PVALEF: variants seen among roughly 807,000 people sequenced by gnomAD.
PVALEF encodes the protein parvalbumin-like EF-hand-containing protein.
A neutral mutation model predicts 1.2 loss-of-function variants in PVALEF; 2 were observed. The observed-to-expected ratio is 1.68, with a 90% CI of 0.69 to 5.28. The LOEUF (loss-of-function observed/expected upper bound fraction) is 5.28. Ranked by LOEUF, PVALEF falls within the 30% of genes most tolerant of loss-of-function variation. PVALEF has a pLI of 0.06. For synonymous variants in PVALEF, 16 were observed against 6.5 expected, an observed-to-expected ratio of 2.47 and a Z score of -2.24; for missense variants, 35 against 17.7, an observed-to-expected ratio of 1.97 and a Z score of -1.75.
At chr17:81,176,541 C>T (rs1204296817) in intron 2 of PVALEF, among the ~76,000 whole-genome samples, 2 of 151,152 alleles carry the variant, frequency 1.3e-5, no homozygotes, top group African/African-American at 4.9e-5. Flanking sequence ...GGAAACAAAA[C>T]ACAATGAGAT....
At position 81,166,751 on chromosome 17, in the gene PVALEF, G is replaced by A. The variant is rs1219120403; in HGVS notation, c.-433G>A. ...CACCTGTGCTGGTGGAGTGGGGGTG[G>A]CTGGCTTTGCACACAGGCCTGCTCC... is the stretch of plus-strand genomic sequence containing the variant. On this transcript the variant is annotated 5_prime_UTR_variant, in exon 2 of 7. Transcript: ENST00000637878. 2.2e-6 allele frequency: 1 copy of A among 456,504 alleles called. No homozygotes were observed. Among genetic ancestry groups the A allele is most frequent in the South Asian group, 1.5e-5 (1 of 64,546 alleles). 28.3% of individuals were successfully genotyped at this position (456,504 alleles called of 1,614,324 possible). A position where few individuals can be genotyped will look rare whatever the true frequency, so the allele number is the denominator to read the frequency against.
chr17:81,178,614 A>C (rs969292355), intron 2 of PVALEF, among the ~76,000 whole-genome samples: 15 of 151,196 alleles, frequency 9.9e-5, no homozygotes, highest in African/African-American at 3.4e-4. Flanking sequence ...CGCAGCACCC[A>C]CTCGGCTGCC....
chr17:81,181,862 G>C, intron 5 of PVALEF, 104 bp from the exon 6 acceptor site: 1 of 398,050 alleles, frequency 2.5e-6, no homozygotes, highest in Non-Finnish European at 4.4e-6. Flanking sequence ...CCAGGCTCCC[G>C]GCCCGAAGTG....
chr17:81,183,093 C>A lies in PVALEF; in HGVS notation c.*82C>A, dbSNP rs1000293254. The A allele has an allele frequency of 1.8e-5, 7 of 398,516 alleles. No individual in the cohort carries two copies. Among genetic ancestry groups the A allele is most frequent in the Non-Finnish European group, 2.7e-5 (6 of 226,074 alleles). 24.7% of individuals were successfully genotyped at this position (398,516 alleles called of 1,614,324 possible). A position where few individuals can be genotyped will look rare whatever the true frequency, so the allele number is the denominator to read the frequency against. On this transcript the variant is annotated 3_prime_UTR_variant, in exon 7 of 7. Coordinates refer to ENST00000637878, the MANE Select transcript of PVALEF (RefSeq NM_001354639.2). ...CGCACCTGGGCAGAAGCCGTTGGGGCCGGTAAGAGGCGGCAGCCGTGAGGG... is the reference window on the plus strand; with the variant it reads ...CGCACCTGGGCAGAAGCCGTTGGGGACGGTAAGAGGCGGCAGCCGTGAGGG...
In PVALEF at chr17:81,176,926, CTTTTTT is replaced by C. The variant is rs34506557; in HGVS notation, c.-339-1979_-339-1974del. Among the ~76,000 whole-genome samples the C allele has an allele frequency of 1.1e-4, 14 of 130,894 alleles. No individual in the cohort carries two copies. The East Asian group carries it at 2.7e-3, about 25-fold the overall frequency. The allele number at this position is 130,894 out of a possible 152,430, so 85.9% of individuals were successfully genotyped here. ...CAACCATGCAATGGAGTATTAGTCA[CTTTTTT>C]TTTTTTTTTTTTGAGACAGAGTCTC... On this transcript the variant is annotated intron_variant, in intron 2 of 6. Coordinates refer to ENST00000637878, the MANE Select transcript of PVALEF (RefSeq NM_001354639.2).
chr17:81,170,885 G>A (rs1282419841), intron 2 of PVALEF, among the ~76,000 whole-genome samples: 2 of 151,994 alleles, frequency 1.3e-5, no homozygotes, highest in Non-Finnish European at 2.9e-5. Flanking sequence ...CCCAGCCCCA[G>A]CCCTGTACCC....
Position 81,165,678 on chromosome 17 carries a change from T to C in PVALEF, c.-577T>C. 1 of 1,510,440 alleles carries C rather than the reference T, an allele frequency of 6.6e-7. No individual in the cohort carries two copies. Among genetic ancestry groups the C allele is most frequent in the Non-Finnish European group, 8.8e-7 (1 of 1,130,636 alleles). 93.6% of individuals were successfully genotyped at this position (1,510,440 alleles called of 1,614,324 possible). The stretch of plus-strand genomic sequence containing the variant: ...CCCACGCAGGCCCTCCGTGCCCCAG[T>C]TACCTGTGCCCTGGAGGCAGCCACG... On this transcript the variant is annotated 5_prime_UTR_variant, in exon 1 of 7. Transcript: ENST00000637878.
rs185003878 is a variant in PVALEF, at chr17:81,170,743, C to A, written c.-340+3899C>A. Among the ~76,000 whole-genome samples the A allele has an allele frequency of 6.5e-3, 989 of 152,314 alleles. 37 individuals carry two copies. Among genetic ancestry groups the A allele is most frequent in the Admixed American group, 0.061 (940 of 15,308 alleles). On this transcript the variant is annotated intron_variant, in intron 2 of 6. Coordinates refer to ENST00000637878, the MANE Select transcript of PVALEF (RefSeq NM_001354639.2). ...TGCCTGCTGGGCACCACAGTAGGCA[C>A]TGCAGAGCCCCAAGGATGCCCCTGC... is the stretch of plus-strand genomic sequence containing the variant.
intron 3 of PVALEF, among the ~76,000 whole-genome samples, 185 bp downstream of exon 3, chr17:81,179,337 A>G (rs1278503851): frequency 6.6e-6 from 1 of 152,184 alleles, no homozygotes; most frequent in African/African-American, 2.4e-5. Flanking sequence ...TGCCAGCAGC[A>G]CCACTACAAG....
intron 5 of PVALEF, 84 bp downstream of exon 5, chr17:81,181,778 C>G: frequency 2.5e-6 from 1 of 398,576 alleles, no homozygotes; most frequent in Non-Finnish European, 4.4e-6. Flanking sequence ...GGCCTTCCCC[C>G]ACCGGGTCCC....
chr17:81,176,191 G>A (rs1262956620), intron 2 of PVALEF, among the ~76,000 whole-genome samples: 7 of 152,118 alleles, frequency 4.6e-5, no homozygotes, highest in African/African-American at 7.2e-5. Context: ...AGAAGATGCC[G>A]ACCATCACTA....
intron 2 of PVALEF, among the ~76,000 whole-genome samples, chr17:81,169,933 T>C (rs1368303083): frequency 4.0e-5 from 6 of 151,866 alleles, no homozygotes; most frequent in Non-Finnish European, 2.9e-5. Flanking sequence ...TGCATGTGTG[T>C]CTGCATATGT....
At chr17:81,176,471 T>A (rs995014717) in intron 2 of PVALEF, among the ~76,000 whole-genome samples, 4 of 151,726 alleles carry the variant, frequency 2.6e-5, no homozygotes, top group African/African-American at 7.3e-5. Context: ...TGAGCCGAGG[T>A]CATGCCACTG....
At chr17:81,165,779 G>T in intron 1 of PVALEF, 32 bp downstream of exon 1, 1 of 1,507,230 alleles carries the variant, frequency 6.6e-7, no homozygotes, top group African/African-American at 1.4e-5. Flanking sequence ...CTGCCCCTCC[G>T]AGATCTGGGG....
In PVALEF at chr17:81,170,100, TTG is replaced by T. The variant is rs200838440; in HGVS notation, c.-340+3262_-340+3263del. On this transcript the variant is annotated intron_variant, in intron 2 of 6. Coordinates refer to ENST00000637878, the MANE Select transcript of PVALEF (RefSeq NM_001354639.2). ...TGCATATGTGTAGGTGTGTGTTGGT[TTG>T]TGTGTCTGCATATGTGTAGGCATGT... Among the ~76,000 whole-genome samples, 95 of 145,450 alleles carry T rather than the reference TTG, an allele frequency of 6.5e-4. No individual in the cohort carries two copies. The East Asian group carries it at 0.011, about 17-fold the overall frequency.
rs749002570 is a variant in PVALEF, at chr17:81,181,351, C to G, written c.106+19C>G. 3.0e-5 allele frequency: 19 copies of G among 632,626 alleles called. No individual in the cohort carries two copies. Among genetic ancestry groups the G allele is most frequent in the Non-Finnish European group, 5.4e-5 (19 of 349,230 alleles). 39.2% of individuals were successfully genotyped at this position (632,626 alleles called of 1,614,324 possible). On this transcript the variant is annotated intron_variant, in intron 4 of 6. Transcript: ENST00000637878. ...CACCACGGTACAGCATGCCCCCGCC[C>G]GGCGCGGCCCCCCGCCCGTCCAGCC... is the stretch of plus-strand genomic sequence containing the variant.
chr17:81,169,751 T>C (rs552284088), intron 2 of PVALEF, among the ~76,000 whole-genome samples: 45 of 151,828 alleles, frequency 3.0e-4, no homozygotes, highest in African/African-American at 1.0e-3. Flanking sequence ...TGTACGTGTC[T>C]ATGTGTGTGT....
At chr17:81,182,628 T>G (rs1192337660) in intron 6 of PVALEF, among the ~76,000 whole-genome samples, 1 of 152,166 alleles carries the variant, frequency 6.6e-6, no homozygotes, top group Non-Finnish European at 1.5e-5. Context: ...GTTTCCCCAC[T>G]GAGAGATGAT....
At chr17:81,166,361 G>A (rs1360396908) in intron 1 of PVALEF, among the ~76,000 whole-genome samples, 1 of 64,276 alleles carries the variant, frequency 1.6e-5, no homozygotes, top group African/African-American at 6.5e-5. Context: ...ACACAGAAGG[G>A]GGCTTGGAGG....
Sources: allele counts gnomAD v4.1 joint callset (sites outside exome capture counted in the v4.1 genomes callset), GRCh38; gene constraint gnomAD v4.1.1; transcripts MANE v1.5; gene names NCBI Gene and HGNC (gene_info 2026-07-23, HGNC 2026-07-21).